Variants in HSD17B12 observed in about 807,000 individuals in gnomAD.
The protein encoded by HSD17B12 is hydroxysteroid 17-beta dehydrogenase 12, also known as very-long-chain 3-oxoacyl-CoA reductase.
A neutral mutation model predicts 39.3 loss-of-function variants in HSD17B12; 32 were observed. The observed-to-expected ratio is 0.81, with a 90% CI of 0.61 to 1.09. The LOEUF (loss-of-function observed/expected upper bound fraction) is 1.09, where lower values mean the gene tolerates loss of function less well. Among genes scored for constraint, HSD17B12 ranks in the 50% least tolerant of loss-of-function variants. HSD17B12 has a pLI of 0.00. For missense variants in HSD17B12, 342 were observed against 382.9 expected (o/e 0.89, Z 0.89); for synonymous variants, 150 against 146.7 (o/e 1.02, Z -0.16).
chr11:43,828,250 C>T (rs1951268727), intron 6 of HSD17B12, among the ~76,000 whole-genome samples: 2 of 148,726 alleles, frequency 1.3e-5, no homozygotes, highest in Admixed American at 1.3e-4. Context: ...TCACGCCATT[C>T]TCCTGCCTCA....
intron 2 of HSD17B12, among the ~76,000 whole-genome samples, chr11:43,753,384 CTTTTT>C (rs59565155): frequency 2.7e-5 from 2 of 73,392 alleles, no homozygotes; most frequent in Non-Finnish European, 5.3e-5. Flanking sequence ...GCAGCAAAAA[CTTTTT>C]TTTTTTTTTT....
intron 3 of HSD17B12, among the ~76,000 whole-genome samples, chr11:43,781,326 G>A (rs1377100381): frequency 6.6e-6 from 1 of 152,058 alleles, no homozygotes. Flanking sequence ...CATTAAAAAT[G>A]TTTGTCTGTA....
chr11:43,817,040 C>CTATA (rs368591679), intron 6 of HSD17B12, among the ~76,000 whole-genome samples: 2 of 21,512 alleles, frequency 9.3e-5, no homozygotes, highest in African/African-American at 1.8e-4. Context: ...ATATCTATAT[C>CTATA]TATATATATA....
the HSD17B12 span, among the ~76,000 whole-genome samples, chr11:43,599,641 A>C: frequency 6.6e-6 from 1 of 152,098 alleles, no homozygotes; most frequent in Non-Finnish European, 1.5e-5. Flanking sequence ...TTATTTCTTT[A>C]TTTATATAAA....
At chr11:43,687,647 C>G in intron 1 of HSD17B12, among the ~76,000 whole-genome samples, 1 of 152,252 alleles carries the variant, frequency 6.6e-6, no homozygotes, top group South Asian at 2.1e-4. Flanking sequence ...GGCTGAGTGA[C>G]GAGCCAGGAA....
At chr11:43,612,068 G>A in the HSD17B12 span, among the ~76,000 whole-genome samples, 1 of 152,042 alleles carries the variant, frequency 6.6e-6, no homozygotes, top group Non-Finnish European at 1.5e-5. Flanking sequence ...ACTGTATCAG[G>A]GTACTCCTAT....
intron 1 of HSD17B12, among the ~76,000 whole-genome samples, chr11:43,732,390 A>G (rs760692010): frequency 1.7e-4 from 26 of 152,126 alleles, no homozygotes; most frequent in Non-Finnish European, 2.9e-4. Context: ...TCAGGAAGAA[A>G]TGCTGCTGGT....
chr11:43,747,243 G>A (rs1950420324), intron 1 of HSD17B12, among the ~76,000 whole-genome samples: 1 of 152,236 alleles, frequency 6.6e-6, no homozygotes, highest in Non-Finnish European at 1.5e-5. Flanking sequence ...ATTAAGACAT[G>A]TAGATGTAAG....
chr11:43,637,882 A>G, the HSD17B12 span, among the ~76,000 whole-genome samples: 3 of 152,150 alleles, frequency 2.0e-5, no homozygotes, highest in Non-Finnish European at 4.4e-5. Flanking sequence ...GAGGGGTTAT[A>G]TTTAGGTGGT....
At chr11:43,727,271 A>G (rs989908646) in intron 1 of HSD17B12, among the ~76,000 whole-genome samples, 4 of 152,210 alleles carry the variant, frequency 2.6e-5, no homozygotes, top group Non-Finnish European at 4.4e-5. Context: ...TGTTCAATGT[A>G]AAATATTACA....
the HSD17B12 span, among the ~76,000 whole-genome samples, chr11:43,595,287 G>A: frequency 6.6e-6 from 1 of 152,226 alleles, no homozygotes; most frequent in Non-Finnish European, 1.5e-5. Flanking sequence ...CATGTGTCTT[G>A]TATATATGTT....
At chr11:43,783,337 T>C (rs1401757606) in intron 3 of HSD17B12, among the ~76,000 whole-genome samples, 1 of 151,972 alleles carries the variant, frequency 6.6e-6, no homozygotes, top group Non-Finnish European at 1.5e-5. Flanking sequence ...GGCAGCATTC[T>C]CAAACTTTTT....
chr11:43,607,566 A>G, the HSD17B12 span, among the ~76,000 whole-genome samples: 2 of 152,308 alleles, frequency 1.3e-5, no homozygotes, highest in South Asian at 4.1e-4. Context: ...ATAATAACTT[A>G]CTTGATCTTC....
chr11:43,775,923 A>G (rs1272644201), intron 3 of HSD17B12, among the ~76,000 whole-genome samples: 1 of 151,936 alleles, frequency 6.6e-6, no homozygotes, highest in Non-Finnish European at 1.5e-5. Flanking sequence ...CCATGTCCCT[A>G]CGAAGGACAT....
the HSD17B12 span, among the ~76,000 whole-genome samples, chr11:43,611,085 A>G: frequency 6.6e-6 from 1 of 152,178 alleles, no homozygotes; most frequent in Non-Finnish European, 1.5e-5. Context: ...TCTATTTGGT[A>G]TATAGTATGT....
the HSD17B12 span, among the ~76,000 whole-genome samples, chr11:43,631,588 T>TGC: frequency 3.5e-5 from 5 of 143,922 alleles, no homozygotes; most frequent in Non-Finnish European, 7.6e-5. Flanking sequence ...TCTCTCTCTC[T>TGC]CTGTCTCTCT....
intron 4 of HSD17B12, among the ~76,000 whole-genome samples, chr11:43,810,490 C>T (rs1245836068): frequency 2.0e-5 from 3 of 151,200 alleles, no homozygotes; most frequent in Non-Finnish European, 4.4e-5. Flanking sequence ...TGGATGGGGG[C>T]CGAGGAGAGC....
the HSD17B12 span, among the ~76,000 whole-genome samples, chr11:43,658,031 AC>A: frequency 6.6e-6 from 1 of 152,204 alleles, no homozygotes; most frequent in Non-Finnish European, 1.5e-5. Context: ...TTTCAGGTAC[AC>A]CAATTAGACG....
At chr11:43,733,915 G>T in intron 1 of HSD17B12, 2 of 690,242 alleles carry the variant, frequency 2.9e-6, no homozygotes, top group East Asian at 2.9e-5. Flanking sequence ...AGTAGGGGAA[G>T]GGACTCACTT....
Sources: gnomAD v4.1 joint callset for allele counts (sites outside exome capture counted in the v4.1 genomes callset) on GRCh38, gnomAD v4.1.1 for gene constraint, MANE v1.5 for transcripts, NCBI Gene and HGNC (gene_info 2026-07-23, HGNC 2026-07-21) for gene names.